ATP11B: variants seen among roughly 807,000 people sequenced by gnomAD.
ATP11B encodes ATPase phospholipid transporting 11B (putative).
In ATP11B, 81 loss-of-function variants were observed where a neutral mutation model predicts 157.8. The ratio of observed to expected loss-of-function variants is 0.51; its 90% CI spans 0.43 to 0.62. The LOEUF is 0.62. ATP11B is among the 20% of genes least tolerant of loss of function. The pLI is 0.00. For missense variants in ATP11B, 1,165 were observed against 1,402.2 expected, an observed-to-expected ratio of 0.83 and a Z score of 2.70; for synonymous variants, 451 against 469.4, an observed-to-expected ratio of 0.96 and a Z score of 0.51.
intron 8 of ATP11B, among the ~76,000 whole-genome samples, 171 bp from the exon 9 acceptor site, chr3:182,845,287 G>A (rs930023766): frequency 2.6e-5 from 4 of 152,134 alleles, no homozygotes; most frequent in African/African-American, 7.2e-5. Context: ...CATTACAGGC[G>A]TTAGCCACCA....
chr3:182,839,814 T>C (rs1718862148), intron 7 of ATP11B, among the ~76,000 whole-genome samples: 1 of 152,108 alleles, frequency 6.6e-6, no homozygotes, highest in Non-Finnish European at 1.5e-5. Flanking sequence ...GGTTTCACCA[T>C]GTTTGCCAGG....
chr3:182,829,209 G>A (rs932838385), intron 3 of ATP11B, among the ~76,000 whole-genome samples: 9 of 152,060 alleles, frequency 5.9e-5, no homozygotes, highest in African/African-American at 2.2e-4. Flanking sequence ...GGGCCTATCC[G>A]GAGTAAAGGA....
In ATP11B at chr3:182,869,220, G is replaced by A. The variant is rs371673540; in HGVS notation, c.1763-8G>A. On this transcript the variant is annotated splice_region_variant and splice_polypyrimidine_tract_variant and intron_variant, in intron 16 of 29. Coordinates refer to ENST00000323116, the MANE Select transcript of ATP11B (RefSeq NM_014616.3). ...AAGAGTCTGATAACTCATTTTTTTT[G>A]TCTCTAGGTGAGAAGTTATTATTTG... 11 of 1,597,212 alleles carry A rather than the reference G, an allele frequency of 6.9e-6. No individual in the cohort carries two copies. The highest frequency in any genetic ancestry group is 7.7e-6 in the Non-Finnish European group (9 of 1,169,880).
rs566686612 is a variant in ATP11B at position 182,813,698 on chromosome 3, C to T, written c.28-6562C>T. ...AATTAAATAACATAAAAGTTAAATT[C>T]AGTTTGGTAGACATTTGTTTTTTAT... On this transcript the variant is annotated intron_variant, in intron 1 of 29. Coordinates refer to ENST00000323116, the MANE Select transcript of ATP11B (RefSeq NM_014616.3). Among the ~76,000 whole-genome samples, 6 of 152,140 alleles carry T rather than the reference C, an allele frequency of 3.9e-5. 1 individual carries two copies. In the East Asian group the frequency reaches 1.2e-3, roughly 29 times the overall value.
At chr3:182,809,051 C>T (rs1716496376) in intron 1 of ATP11B, among the ~76,000 whole-genome samples, 1 of 151,684 alleles carries the variant, frequency 6.6e-6, no homozygotes, top group African/African-American at 2.4e-5. Flanking sequence ...TGCCAGTTTC[C>T]TAATTTAAAA....
chr3:182,859,694 A>G (rs901657023), intron 12 of ATP11B, among the ~76,000 whole-genome samples: 4 of 152,150 alleles, frequency 2.6e-5, no homozygotes, highest in Admixed American at 2.6e-4. Flanking sequence ...GGGATTTAAT[A>G]AATATTTTTA....
chr3:182,913,339 TTGC>T (rs534474172), intron 28 of ATP11B, among the ~76,000 whole-genome samples: 39 of 152,330 alleles, frequency 2.6e-4, no homozygotes, highest in Middle Eastern at 3.4e-3. Flanking sequence ...CGTAAAGTGT[TTGC>T]TGCCATTGTT....
intron 29 of ATP11B, chr3:182,917,062 A>G (rs1386757043): frequency 2.0e-6 from 2 of 985,268 alleles, no homozygotes; most frequent in Non-Finnish European, 2.4e-6. Context: ...TTTTCTAGAA[A>G]CTAGTCGAAT....
Position 182,837,060 on chromosome 3 carries a change from A to AT in ATP11B, c.553-4dup, listed in dbSNP as rs1560075430. 6 of 1,604,384 alleles carry AT rather than the reference A, an allele frequency of 3.7e-6. 1 individual carries two copies. In the Admixed American group the frequency reaches 5.1e-5, roughly 14 times the overall value. ...ATCTGAAAACTCTACAGTTTAATTCATTTTTTTCAGACACATGTGGCAGTT... is the reference window on the plus strand; with the variant it reads ...ATCTGAAAACTCTACAGTTTAATTCATTTTTTTTCAGACACATGTGGCAGTT... On this transcript the variant is annotated splice_polypyrimidine_tract_variant and intron_variant, in intron 6 of 29. Transcript: ENST00000323116.
chr3:182,857,090 T>A (rs1044731319), intron 10 of ATP11B, among the ~76,000 whole-genome samples: 32 of 152,236 alleles, frequency 2.1e-4, no homozygotes, highest in African/African-American at 7.5e-4. Context: ...ATTTTTGGGC[T>A]TTGATCTTTG....
intron 15 of ATP11B, 110 bp from the exon 16 acceptor site, chr3:182,868,968 C>A: frequency 6.3e-6 from 4 of 639,346 alleles, no homozygotes; most frequent in Non-Finnish European, 1.1e-5. Context: ...GGTATTAATT[C>A]TTGTTCTCAA....
intron 10 of ATP11B, among the ~76,000 whole-genome samples, chr3:182,852,515 T>G (rs2108526607): frequency 6.6e-6 from 1 of 152,324 alleles, no homozygotes; most frequent in South Asian, 2.1e-4. Flanking sequence ...CACAGGTAAC[T>G]TACCAAAATT....
At chr3:182,901,182 TAATA>T (rs1723934496) in intron 28 of ATP11B, among the ~76,000 whole-genome samples, 2 of 150,932 alleles carry the variant, frequency 1.3e-5, no homozygotes, top group Non-Finnish European at 3.0e-5. Context: ...CAGAAAATAA[TAATA>T]AATAAAAATT....
intron 29 of ATP11B, chr3:182,916,719 A>G (rs1349498846): frequency 3.0e-6 from 3 of 984,240 alleles, no homozygotes; most frequent in East Asian, 2.3e-4. Context: ...GTGCTTTGAA[A>G]AAAAATTTAA....
chr3:182,832,225 AG>A (rs1461021198), intron 4 of ATP11B, among the ~76,000 whole-genome samples: 1 of 152,204 alleles, frequency 6.6e-6, no homozygotes, highest in Non-Finnish European at 1.5e-5. Context: ...GAAAGCAAAA[AG>A]GTTATGCCTA....
chr3:182,814,986 T>A (rs9817148), intron 1 of ATP11B, among the ~76,000 whole-genome samples: 5,304 of 152,274 alleles, frequency 0.035, 317 homozygotes, highest in African/African-American at 0.12. Flanking sequence ...AGAAGGAAGC[T>A]CTTAAGCTGA....
intron 11 of ATP11B, 59 bp downstream of exon 11, chr3:182,858,087 G>A (rs1302608084): frequency 2.7e-6 from 4 of 1,460,686 alleles, no homozygotes; most frequent in Non-Finnish European, 1.9e-6. Flanking sequence ...CACGATTAGT[G>A]CTTTGGTAGT....
rs1455755043 is a variant in ATP11B at position 182,862,774 on chromosome 3, C to T, written c.1201-2682C>T. 2.0e-5 allele frequency among the ~76,000 whole-genome samples: 3 copies of T among 151,878 alleles called. No individual in the cohort carries two copies. In the East Asian group the frequency reaches 5.8e-4, roughly 29 times the overall value. On this transcript the variant is annotated intron_variant, in intron 12 of 29. Coordinates refer to ENST00000323116, the MANE Select transcript of ATP11B (RefSeq NM_014616.3). ...CATCTTCCAAACTTGTGTCAATCTT[C>T]CCTCTCATGCTGACTTTTTTACCAT... is the stretch of plus-strand genomic sequence containing the variant.
At chr3:182,836,206 T>C in intron 5 of ATP11B, 64 bp downstream of exon 5, 2 of 1,565,284 alleles carry the variant, frequency 1.3e-6, no homozygotes, top group East Asian at 2.2e-5. Context: ...AATTCTAATC[T>C]TGATATTACG....
Sources: allele counts gnomAD v4.1 joint callset (sites outside exome capture counted in the v4.1 genomes callset), GRCh38; gene constraint gnomAD v4.1.1; transcripts MANE v1.5; gene names NCBI Gene and HGNC (gene_info 2026-07-23, HGNC 2026-07-21).